Variants in KCND2 observed in about 807,000 individuals in gnomAD.
KCND2 encodes potassium voltage-gated channel subfamily D member 2.
Under a neutral mutation model 54.4 loss-of-function variants are expected in KCND2, and 16 were observed. The observed-to-expected ratio is 0.29, with a 90% CI of 0.20 to 0.45. The LOEUF is 0.45. Among genes scored for constraint, KCND2 ranks in the 20% least tolerant of loss-of-function variants. The pLI, the probability that KCND2 is intolerant of heterozygous loss-of-function variation, is 1.00. For missense variants in KCND2, 486 were observed against 824.2 expected, an observed-to-expected ratio of 0.59 and a Z score of 5.02; for synonymous variants, 317 against 310.7, an observed-to-expected ratio of 1.02 and a Z score of -0.21.
chr7:120,516,637 C>T (rs1351975306), intron 1 of KCND2, among the ~76,000 whole-genome samples: 1 of 152,096 alleles, frequency 6.6e-6, no homozygotes, highest in Non-Finnish European at 1.5e-5. Flanking sequence ...CTGCCGGACT[C>T]TCCAAGTGCT....
At chr7:120,290,431 A>G (rs999471836) in intron 1 of KCND2, among the ~76,000 whole-genome samples, 1 of 151,960 alleles carries the variant, frequency 6.6e-6, no homozygotes, top group Non-Finnish European at 1.5e-5. Flanking sequence ...ATACTTATTT[A>G]TGCTCTTTCA....
intron 1 of KCND2, among the ~76,000 whole-genome samples, chr7:120,282,749 A>G (rs1799285143): frequency 6.6e-6 from 1 of 152,118 alleles, no homozygotes; most frequent in African/African-American, 2.4e-5. Context: ...TTTTAACAAT[A>G]TCAGTAATAG....
chr7:120,376,141 T>C (rs1195969274), intron 1 of KCND2, among the ~76,000 whole-genome samples: 1 of 151,856 alleles, frequency 6.6e-6, no homozygotes, highest in Non-Finnish European at 1.5e-5. Context: ...TTTAACTATC[T>C]TTAATAGTTT....
intron 1 of KCND2, among the ~76,000 whole-genome samples, chr7:120,584,914 G>C (rs563066988): frequency 6.6e-6 from 1 of 152,296 alleles, no homozygotes; most frequent in South Asian, 2.1e-4. Context: ...AAATTCAACA[G>C]TAGAAAAAGA....
At chr7:120,600,934 T>A (rs894950561) in intron 1 of KCND2, among the ~76,000 whole-genome samples, 3 of 152,134 alleles carry the variant, frequency 2.0e-5, no homozygotes, top group Non-Finnish European at 4.4e-5. Flanking sequence ...ACATTCCTAA[T>A]TTTTATTTAT....
At chr7:120,516,413 TG>T (rs1385864063) in intron 1 of KCND2, among the ~76,000 whole-genome samples, 1 of 152,128 alleles carries the variant, frequency 6.6e-6, no homozygotes, top group Admixed American at 6.6e-5. Flanking sequence ...CTTGAAAGAT[TG>T]TTGTTTCTTA....
At chr7:120,351,408 A>ACTCT (rs1205455713) in intron 1 of KCND2, among the ~76,000 whole-genome samples, 419 of 90,222 alleles carry the variant, frequency 4.6e-3, no homozygotes, top group Non-Finnish European at 8.3e-3. Flanking sequence ...ACACACACAC[A>ACTCT]CACACTCTCT....
At chr7:120,460,892 A>G (rs1039311357) in intron 1 of KCND2, among the ~76,000 whole-genome samples, 1 of 152,186 alleles carries the variant, frequency 6.6e-6, no homozygotes, top group African/African-American at 2.4e-5. Context: ...TCTCTTTCTT[A>G]TAGACCATTA....
At chr7:120,449,286 G>C (rs1321500830) in intron 1 of KCND2, among the ~76,000 whole-genome samples, 1 of 148,532 alleles carries the variant, frequency 6.7e-6, no homozygotes, top group Non-Finnish European at 1.5e-5. Context: ...CCGAGATCAC[G>C]CCACTGCACT....
intron 1 of KCND2, among the ~76,000 whole-genome samples, chr7:120,345,313 G>A (rs1237690996): frequency 6.6e-6 from 1 of 152,060 alleles, no homozygotes; most frequent in East Asian, 1.9e-4. Context: ...TGTTCTTCTG[G>A]TGGTATGTCT....
At chr7:120,614,796 C>A (rs541613663) in intron 1 of KCND2, among the ~76,000 whole-genome samples, 1 of 152,228 alleles carries the variant, frequency 6.6e-6, no homozygotes, top group Admixed American at 6.5e-5. Context: ...GAGGAAAATG[C>A]AACATTTGCA....
At chr7:120,577,533 G>A (rs1332697748) in intron 1 of KCND2, among the ~76,000 whole-genome samples, 2 of 148,012 alleles carry the variant, frequency 1.4e-5, no homozygotes, top group African/African-American at 2.6e-5. Flanking sequence ...CTGCCTCCCT[G>A]GACTCAAACG....
intron 1 of KCND2, among the ~76,000 whole-genome samples, chr7:120,730,623 CA>C (rs1792794846): frequency 6.6e-6 from 1 of 152,198 alleles, no homozygotes; most frequent in East Asian, 1.9e-4. Flanking sequence ...ATTCTGGTGC[CA>C]AAGCCTTGTG....
intron 1 of KCND2, among the ~76,000 whole-genome samples, chr7:120,524,488 C>T (rs1471254056): frequency 6.6e-6 from 1 of 152,078 alleles, no homozygotes; most frequent in African/African-American, 2.4e-5. Context: ...ATTAATATGA[C>T]TATAGCCATT....
Position 120,296,520 on chromosome 7 carries a change from G to T in KCND2, c.1115+20773G>T, listed in dbSNP as rs1180754884. On this transcript the variant is annotated intron_variant, in intron 1 of 5. Coordinates refer to ENST00000331113, the MANE Select transcript of KCND2 (RefSeq NM_012281.3). Reference sequence around the variant, plus strand: ...ATTTTTATAAACCAGAATTCAATATGTGCCAATAGTATGATCATATGGGAA... The same window carrying T: ...ATTTTTATAAACCAGAATTCAATATTTGCCAATAGTATGATCATATGGGAA... Among the ~76,000 whole-genome samples the T allele has an allele frequency of 3.3e-5, 5 of 152,070 alleles. No homozygotes were observed. The East Asian group carries it at 9.6e-4, about 29-fold the overall frequency.
chr7:120,648,647 A>T (rs1452112072), intron 1 of KCND2, among the ~76,000 whole-genome samples: 1 of 152,222 alleles, frequency 6.6e-6, no homozygotes, highest in Non-Finnish European at 1.5e-5. Flanking sequence ...TTGCCCATAC[A>T]TATTAATGAC....
chr7:120,662,940 A>T (rs1791883926), intron 1 of KCND2, among the ~76,000 whole-genome samples: 1 of 152,136 alleles, frequency 6.6e-6, no homozygotes, highest in Non-Finnish European at 1.5e-5. Context: ...CAGAAGCCTC[A>T]CCCTTGTATA....
chr7:120,480,661 C>T (rs1041548938), intron 1 of KCND2, among the ~76,000 whole-genome samples: 1 of 152,166 alleles, frequency 6.6e-6, no homozygotes, highest in African/African-American at 2.4e-5. Flanking sequence ...CTGTCTCATG[C>T]ATGCACTTCC....
chr7:120,491,271 C>T (rs913787105), intron 1 of KCND2, among the ~76,000 whole-genome samples: 6 of 152,042 alleles, frequency 3.9e-5, no homozygotes, highest in African/African-American at 1.2e-4. Context: ...TCCATATTCC[C>T]TAAAATTTAA....
Sources: allele counts gnomAD v4.1 joint callset (sites outside exome capture counted in the v4.1 genomes callset), GRCh38; gene constraint gnomAD v4.1.1; transcripts MANE v1.5; gene names NCBI Gene and HGNC (gene_info 2026-07-23, HGNC 2026-07-21).